EP300: variants seen among roughly 807,000 people sequenced by gnomAD.
EP300 encodes the protein EP300 lysine acetyltransferase, also known as histone acetyltransferase p300.
Under a neutral mutation model 264.0 loss-of-function variants are expected in EP300, and 31 were observed. The observed-to-expected ratio is 0.12, with a 90% confidence interval of 0.09 to 0.16. The LOEUF is 0.16. EP300 is among the 10% of genes least tolerant of loss of function. The pLI is 1.00. For synonymous variants in EP300, 1,340 were observed against 1,045.4 expected (o/e 1.28, Z -5.44); for missense variants, 2,766 against 3,052.9 (o/e 0.91, Z 2.21).
intron 3 of EP300, among the ~76,000 whole-genome samples, 166 bp from the exon 4 acceptor site, chr22:41,127,321 T>G (rs748716232): frequency 2.0e-5 from 3 of 152,162 alleles, no homozygotes; most frequent in South Asian, 2.1e-4. Flanking sequence ...AAATTGAGCT[T>G]CTTAAAGGTA....
At chr22:41,093,660 GC>G (rs1199543201) in intron 1 of EP300, among the ~76,000 whole-genome samples, 6 of 152,144 alleles carry the variant, frequency 3.9e-5, no homozygotes, top group Admixed American at 2.0e-4. Flanking sequence ...ACCATTCTTA[GC>G]TTTTTTTTCC....
In EP300 at chr22:41,117,253, G is replaced by T; in HGVS notation, c.161G>T (p.Gly54Val). ...PDELINSTEL[G>V]LTNGGDINQL... The stretch of plus-strand genomic sequence containing the variant: ...GAATTAATCAACTCTACAGAATTGG[G>T]ACTAACCAATGGTGGTGATATTAAT... Residue 54 changes from glycine (G) to valine (V), a missense_variant, in exon 2 of 31, where the codon GGA (glycine) becomes GTA (valine). Physicochemically the swap from Gly to Val is moderately radical, Grantham distance 109. Transcript: ENST00000263253. 2 of 1,614,136 alleles carry T rather than the reference G, an allele frequency of 1.2e-6. No individual in the cohort carries two copies. The highest frequency in any genetic ancestry group is 2.7e-5 in the African/African-American group (2 of 75,016).
At chr22:41,123,243 T>C (rs1054466654) in intron 2 of EP300, among the ~76,000 whole-genome samples, 2 of 152,050 alleles carry the variant, frequency 1.3e-5, no homozygotes, top group African/African-American at 2.4e-5. Flanking sequence ...AGGAGTCAAA[T>C]AGGAAAGAAA....
chr22:41,119,089 A>G (rs2058837171), intron 2 of EP300, among the ~76,000 whole-genome samples: 1 of 149,200 alleles, frequency 6.7e-6, no homozygotes, highest in Non-Finnish European at 1.5e-5. Flanking sequence ...TGCAGCCTCA[A>G]CCTACCAGGC....
chr22:41,115,203 A>G (rs1392970416), intron 1 of EP300, among the ~76,000 whole-genome samples: 1 of 152,178 alleles, frequency 6.6e-6, no homozygotes, highest in Non-Finnish European at 1.5e-5. Flanking sequence ...GTCAATCAGG[A>G]GTAATTTTCT....
chr22:41,103,115 G>C lies in EP300; in HGVS notation c.94+10017G>C, dbSNP rs186273804. ...CTGCTCGCCTTGGCCTCCCAAAAGTGCTGGGATTACAGGCATGAGCAGCTG... is the reference window on the plus strand; with the variant it reads ...CTGCTCGCCTTGGCCTCCCAAAAGTCCTGGGATTACAGGCATGAGCAGCTG... On this transcript the variant is annotated intron_variant, in intron 1 of 30. Transcript: ENST00000263253. Among the ~76,000 whole-genome samples, 12 of 152,294 alleles carry C rather than the reference G, an allele frequency of 7.9e-5. No homozygotes were observed. In the East Asian group the frequency reaches 1.5e-3, roughly 20 times the overall value.
chr22:41,113,291 A>G (rs1299285994), intron 1 of EP300, among the ~76,000 whole-genome samples: 2 of 151,752 alleles, frequency 1.3e-5, no homozygotes, highest in African/African-American at 4.8e-5. Context: ...TCATTTGTAT[A>G]AAGTTGATAG....
intron 23 of EP300, 60 bp downstream of exon 23, chr22:41,166,726 C>A (rs2145759463): frequency 1.7e-6 from 2 of 1,164,376 alleles, no homozygotes; most frequent in Non-Finnish European, 2.6e-6. Context: ...AGATAAGAAA[C>A]CATCCAAAGT....
intron 1 of EP300, among the ~76,000 whole-genome samples, chr22:41,106,585 T>A (rs1270787158): frequency 6.6e-6 from 1 of 152,168 alleles, no homozygotes; most frequent in South Asian, 2.1e-4. Flanking sequence ...CTGGGTTAGA[T>A]GAAAGAAAAG....
At chr22:41,132,501 A>T (rs1282141275) in intron 6 of EP300, among the ~76,000 whole-genome samples, 1 of 151,908 alleles carries the variant, frequency 6.6e-6, no homozygotes, top group Non-Finnish European at 1.5e-5. Flanking sequence ...GTTGGCCATG[A>T]TGATCTCAAT....
chr22:41,158,268 A>AT, intron 18 of EP300, 144 bp from the exon 19 acceptor site: 3 of 710,190 alleles, frequency 4.2e-6, no homozygotes, highest in Non-Finnish European at 7.6e-6. Flanking sequence ...ACTGAGAATG[A>AT]TTTTCAGGAA....
intron 23 of EP300, among the ~76,000 whole-genome samples, chr22:41,167,389 GTAAT>G (rs1269827599): frequency 2.6e-5 from 4 of 151,854 alleles, no homozygotes; most frequent in Non-Finnish European, 4.4e-5. Flanking sequence ...TATCATGTAA[GTAAT>G]TAACACTAAT....
At chr22:41,125,058 C>G (rs1012402479) in intron 2 of EP300, among the ~76,000 whole-genome samples, 1 of 151,422 alleles carries the variant, frequency 6.6e-6, no homozygotes, top group Non-Finnish European at 1.5e-5. Context: ...CCTACCTCAG[C>G]CTCCTGAGTA....
Position 41,179,158 on chromosome 22 carries a change from T to A in EP300, c.*202T>A. 1.6e-6 allele frequency: 1 copy of A among 631,058 alleles called. No individual in the cohort carries two copies. The highest frequency in any genetic ancestry group is 2.7e-6 in the Non-Finnish European group (1 of 370,232). 39.1% of individuals were successfully genotyped at this position (631,058 alleles called of 1,614,324 possible). A position where few individuals can be genotyped will look rare whatever the true frequency, so the allele number is the denominator to read the frequency against. ...GATGATAGAATACAAAGAATATATTTTTGTTATGGCTGGTTACCACCAGCC... is the reference window on the plus strand; with the variant it reads ...GATGATAGAATACAAAGAATATATTATTGTTATGGCTGGTTACCACCAGCC... On this transcript the variant is annotated 3_prime_UTR_variant, in exon 31 of 31. Coordinates refer to ENST00000263253, the MANE Select transcript of EP300 (RefSeq NM_001429.4).
rs761907077 is a variant in EP300 at position 41,157,460 on chromosome 22, A to G, written c.3501+52A>G. ...TTAACTTTTCTGGGATACCTAGAAT[A>G]ATATAGTGGTGACTGGGATAAGAGA... On this transcript the variant is annotated intron_variant, in intron 18 of 30. Coordinates refer to ENST00000263253, the MANE Select transcript of EP300 (RefSeq NM_001429.4). The G allele has an allele frequency of 3.1e-6, 5 of 1,591,726 alleles. No homozygotes were observed. The East Asian group carries it at 9.0e-5, about 29-fold the overall frequency.
At chr22:41,176,040 C>T (rs954104776) in intron 29 of EP300, 16 of 602,392 alleles carry the variant, frequency 2.7e-5, no homozygotes, top group African/African-American at 1.1e-4. Flanking sequence ...GGCAACATGG[C>T]GAAGCCTCGT....
intron 1 of EP300, among the ~76,000 whole-genome samples, chr22:41,097,619 T>A (rs900641904): frequency 6.6e-6 from 1 of 152,208 alleles, no homozygotes; most frequent in Admixed American, 6.5e-5. Context: ...AGAGTTATTC[T>A]GCCAATTCAT....
At chr22:41,096,612 C>CTTT (rs749353769) in intron 1 of EP300, among the ~76,000 whole-genome samples, 141 of 104,400 alleles carry the variant, frequency 1.4e-3, no homozygotes, top group Non-Finnish European at 2.0e-3. Flanking sequence ...GTCAGCTCTA[C>CTTT]TTTTTTTTTT....
In EP300 at chr22:41,147,885, C is replaced by T. The variant is rs771666573; in HGVS notation, c.2180C>T (p.Pro727Leu). ...AGCATGGCCCAGCCCCCTATTGTAC[C>T]CCGGCAAACCCCTCCTCTTCAGCAC... ...QMSMAQPPIV[P>L]RQTPPLQHHG... The change falls in exon 12 of 31, where the codon CCC becomes CTC. Residue 727 changes from proline (P) to leucine (L), a missense_variant. By Grantham distance (98) the Pro-to-Leu change is moderately conservative. Coordinates refer to ENST00000263253, the MANE Select transcript of EP300 (RefSeq NM_001429.4). 1 of 1,613,920 alleles carries T rather than the reference C, an allele frequency of 6.2e-7. No individual in the cohort carries two copies. The highest frequency in any genetic ancestry group is 8.5e-7 in the Non-Finnish European group (1 of 1,180,006).
Sources: allele counts gnomAD v4.1 joint callset (sites outside exome capture counted in the v4.1 genomes callset), GRCh38; gene constraint gnomAD v4.1.1; transcripts MANE v1.5; gene names NCBI Gene and HGNC (gene_info 2026-07-23, HGNC 2026-07-21).